SUPT5H: variants seen among roughly 807,000 people sequenced by gnomAD.
SUPT5H encodes the protein SPT5 homolog, DSIF elongation factor subunit.
SUPT5H carries 24 observed loss-of-function variants against 142.5 expected under a neutral mutation model. The ratio of observed to expected loss-of-function variants is 0.17; its 90% confidence interval spans 0.12 to 0.24. The LOEUF (loss-of-function observed/expected upper bound fraction) is 0.24. SUPT5H is among the 10% of genes least tolerant of loss of function. The probability of loss-of-function intolerance (pLI) is 1.00; values close to 1 mark genes in which losing one functional copy is unlikely to be tolerated. For missense variants in SUPT5H, 893 were observed against 1,471.8 expected, an observed-to-expected ratio of 0.61 and a Z score of 6.43; for synonymous variants, 546 against 553.0, an observed-to-expected ratio of 0.99 and a Z score of 0.18.
At chr19:39,457,940 G>T in intron 4 of SUPT5H, 200 bp downstream of exon 4, 2 of 987,128 alleles carry the variant, frequency 2.0e-6, no homozygotes, top group East Asian at 2.6e-5. Context: ...GGGCCCTGGG[G>T]TGGGGATGTT....
chr19:39,455,729 TCTC>T (rs1388352639), intron 3 of SUPT5H, among the ~76,000 whole-genome samples: 1 of 150,950 alleles, frequency 6.6e-6, no homozygotes, highest in Non-Finnish European at 1.5e-5. Context: ...TTCAAGTGCT[TCTC>T]CTGCCTCAGC....
rs2079356668 is a variant in SUPT5H at position 39,473,581 on chromosome 19, G to A, written c.2492+60G>A. The A allele has an allele frequency of 6.4e-7, 1 of 1,551,434 alleles. No homozygotes were observed. The highest frequency in any genetic ancestry group is 1.4e-5 in the African/African-American group (1 of 73,904). On this transcript the variant is annotated intron_variant, in intron 25 of 29. Coordinates refer to ENST00000432763, the MANE Select transcript of SUPT5H (RefSeq NM_001111020.3). The surrounding 1 kb of genome is among the most constrained non-coding windows in gnomAD (Gnocchi z 5.8). ...TGGTGTGTGTGAGGGATGATGCTGG[G>A]TGTCTGGGGCATTGGAGGGGTTTGT...
rs529790124 is a variant in SUPT5H at position 39,470,036 on chromosome 19, C to T, written c.1375-83C>T. 55 of 1,533,238 alleles carry T rather than the reference C, an allele frequency of 3.6e-5. No homozygotes were observed. In the East Asian group the frequency reaches 1.1e-3, roughly 30 times the overall value. The allele number at this position is 1,533,238 out of a possible 1,614,324, so 95.0% of individuals were successfully genotyped here. ...CTGAAGTGGGGTTTTTGAGAACATGCGTAGATTCTGAAGACAGGAGGGGCA... is the reference window on the plus strand; with the variant it reads ...CTGAAGTGGGGTTTTTGAGAACATGTGTAGATTCTGAAGACAGGAGGGGCA... On this transcript the variant is annotated intron_variant, in intron 16 of 29. Coordinates refer to ENST00000432763, the MANE Select transcript of SUPT5H (RefSeq NM_001111020.3). The surrounding 1 kb of genome is among the most constrained non-coding windows in gnomAD (Gnocchi z 5.8).
chr19:39,468,731 T>C, intron 13 of SUPT5H, 25 bp from the exon 14 acceptor site: 1 of 1,604,722 alleles, frequency 6.2e-7, no homozygotes, highest in Non-Finnish European at 8.5e-7. Context: ...TCCCTTCTAA[T>C]CTTCTCTCCC....
chr19:39,462,207 C>T (rs2079172532), intron 10 of SUPT5H, among the ~76,000 whole-genome samples: 1 of 152,058 alleles, frequency 6.6e-6, no homozygotes, highest in African/African-American at 2.4e-5. Flanking sequence ...CTGTGCCCAG[C>T]CTAAAATTTA....
In SUPT5H at chr19:39,474,812, G is replaced by C. The variant is rs2079379800; in HGVS notation, c.3024+94G>C. Reference sequence around the variant, plus strand: ...CCTGTCCCCAGATGGTGACAGCCCAGAGTGGGCAGAGCTGGGATTGAGGAA... The same window carrying C: ...CCTGTCCCCAGATGGTGACAGCCCACAGTGGGCAGAGCTGGGATTGAGGAA... On this transcript the variant is annotated intron_variant, in intron 28 of 29. Transcript: ENST00000432763. The surrounding 1 kb of genome is among the most constrained non-coding windows in gnomAD (Gnocchi z 6.5). The C allele has an allele frequency of 5.1e-6, 7 of 1,384,384 alleles. 1 individual carries two copies. The South Asian group carries it at 9.4e-5, about 19-fold the overall frequency. The allele number at this position is 1,384,384 out of a possible 1,614,324, so 85.8% of individuals were successfully genotyped here.
In SUPT5H at chr19:39,458,714, G is replaced by A. The variant is rs1160868905; in HGVS notation, c.320-104G>A. The A allele has an allele frequency of 9.2e-7, 1 of 1,081,358 alleles. No homozygotes were observed. The allele number at this position is 1,081,358 out of a possible 1,614,324, so 67.0% of individuals were successfully genotyped here. A position where few individuals can be genotyped will look rare whatever the true frequency, so the allele number is the denominator to read the frequency against. ...TTCCTCTGTGAGATGTCATCTTCCT[G>A]CCCCAGGGCCAAACCCTGGCCCTCT... On this transcript the variant is annotated intron_variant, in intron 5 of 29. Coordinates refer to ENST00000432763, the MANE Select transcript of SUPT5H (RefSeq NM_001111020.3). The surrounding 1 kb of genome is among the most constrained non-coding windows in gnomAD (Gnocchi z 4.2).
Position 39,472,395 on chromosome 19 carries a change from T to C in SUPT5H, c.1951-14T>C. The stretch of plus-strand genomic sequence containing the variant: ...ATCCCCTGCCTGCCAGTTCACTCCT[T>C]GCTTCTATCCTAGCCCCGTGATGTG... On this transcript the variant is annotated splice_polypyrimidine_tract_variant and intron_variant, in intron 20 of 29. Coordinates refer to ENST00000432763, the MANE Select transcript of SUPT5H (RefSeq NM_001111020.3). The surrounding 1 kb of genome is among the most constrained non-coding windows in gnomAD (Gnocchi z 4.2). 6.2e-7 allele frequency: 1 copy of C among 1,613,728 alleles called. No homozygotes were observed. Among genetic ancestry groups the C allele is most frequent in the Non-Finnish European group, 8.5e-7 (1 of 1,179,764 alleles).
At chr19:39,460,031 C>G in intron 10 of SUPT5H, 71 bp downstream of exon 10, 1 of 1,516,016 alleles carries the variant, frequency 6.6e-7, no homozygotes, top group Non-Finnish European at 9.1e-7. Context: ...TTGTCAACTT[C>G]AGGGGTACCA....
At chr19:39,475,487 G>A (rs142700587) in intron 28 of SUPT5H, among the ~76,000 whole-genome samples, 5 of 152,136 alleles carry the variant, frequency 3.3e-5, no homozygotes, top group South Asian at 4.2e-4. Flanking sequence ...AGAGGGCGCC[G>A]GAGAGCCATG....
intron 2 of SUPT5H, among the ~76,000 whole-genome samples, chr19:39,447,750 T>C (rs962981482): frequency 4.6e-5 from 7 of 152,242 alleles, no homozygotes; most frequent in African/African-American, 7.2e-5. Context: ...ATTTTTGTTT[T>C]ATTTGTTTGT....
chr19:39,475,948 C>A, intron 28 of SUPT5H, 133 bp from the exon 29 acceptor site: 1 of 796,580 alleles, frequency 1.3e-6, no homozygotes, highest in South Asian at 1.8e-5. Flanking sequence ...GAACCAGGCC[C>A]AGCCTTGGCC....
In SUPT5H at chr19:39,469,201, C is replaced by T; in HGVS notation, c.1237+29C>T. On this transcript the variant is annotated intron_variant, in intron 15 of 29. Transcript: ENST00000432763. This position sits in a 1 kb window ranked among gnomAD's most constrained non-coding sequence, Gnocchi z 5.1. The stretch of plus-strand genomic sequence containing the variant: ...TTTGATCCCCCTCTATAACCTGGGC[C>T]AAGGAGCAGGGGCGGCCCATGGTGG... The T allele has an allele frequency of 6.2e-7, 1 of 1,614,222 alleles. No individual in the cohort carries two copies. Among genetic ancestry groups the T allele is most frequent in the Non-Finnish European group, 8.5e-7 (1 of 1,180,038 alleles).
At chr19:39,449,695 G>A (rs67509161) in intron 2 of SUPT5H, among the ~76,000 whole-genome samples, 24,011 of 151,254 alleles carry the variant, frequency 0.16, 1,980 homozygotes, top group Non-Finnish European at 0.17. Context: ...AGGCTGGAGT[G>A]CAGTGGCACG....
chr19:39,454,573 C>G lies in SUPT5H; in HGVS notation c.241+1052C>G, dbSNP rs139163257. On this transcript the variant is annotated intron_variant, in intron 3 of 29. Coordinates refer to ENST00000432763, the MANE Select transcript of SUPT5H (RefSeq NM_001111020.3). ...GTTAGGATGGTCTCGAACTCCTGAC[C>G]TTGTGATCCGCCCGCCCTGGCCTCC... 7.4e-3 allele frequency among the ~76,000 whole-genome samples: 1,119 copies of G among 152,136 alleles called. 15 individuals carry two copies. The highest frequency in any genetic ancestry group is 0.026 in the African/African-American group (1,058 of 41,490).
At chr19:39,457,964 T>A in intron 4 of SUPT5H, 1 of 875,154 alleles carries the variant, frequency 1.1e-6, no homozygotes, top group Non-Finnish European at 1.8e-6. Context: ...GGGAGAGGAC[T>A]CTGGGATCCC....
At chr19:39,468,679 A>C (rs2079276131) in intron 13 of SUPT5H, 77 bp from the exon 14 acceptor site, 4 of 1,314,608 alleles carry the variant, frequency 3.0e-6, no homozygotes, top group Middle Eastern at 3.7e-4. Context: ...TTCTGTTGCC[A>C]GCTGAGAAGA....
At chr19:39,475,017 C>T in intron 28 of SUPT5H, 2 of 472,880 alleles carry the variant, frequency 4.2e-6, no homozygotes, top group Admixed American at 3.6e-5. Flanking sequence ...ACTGCATGTG[C>T]AGAGGCCTGG....
At chr19:39,468,947 C>A in intron 14 of SUPT5H, 86 bp downstream of exon 14, 1 of 1,542,856 alleles carries the variant, frequency 6.5e-7, no homozygotes. Flanking sequence ...TTATCTGGTT[C>A]TGTCCCACTC....
Sources: gnomAD v4.1 joint callset for allele counts (sites outside exome capture counted in the v4.1 genomes callset) on GRCh38, gnomAD v4.1.1 for gene constraint, Gnocchi (gnomAD v3.1) non-coding constraint, MANE v1.5 for transcripts, NCBI Gene and HGNC (gene_info 2026-07-23, HGNC 2026-07-21) for gene names.